Variants in MXI1 observed in about 807,000 individuals in gnomAD.
MXI1 encodes the protein max-interacting protein 1.
In MXI1, 18 loss-of-function variants were observed where a neutral mutation model predicts 36.9. The observed-to-expected ratio is 0.49, with a 90% CI of 0.34 to 0.72. The LOEUF is 0.72. MXI1 is among the 30% of genes least tolerant of loss of function. MXI1 has a pLI of 0.01. For missense variants in MXI1, 304 were observed against 379.1 expected, an observed-to-expected ratio of 0.80 and a Z score of 1.64; for synonymous variants, 160 against 146.7, an observed-to-expected ratio of 1.09 and a Z score of -0.65.
intron 2 of MXI1, 118 bp downstream of exon 2, chr10:110,228,439 T>A (rs1855140579): frequency 7.9e-7 from 1 of 1,261,530 alleles, no homozygotes; most frequent in Non-Finnish European, 1.1e-6. Context: ...CCTGGGGATT[T>A]GGCCCTTTTA....
At chr10:110,255,063 G>A (rs969342757) in intron 3 of MXI1, among the ~76,000 whole-genome samples, 9 of 152,200 alleles carry the variant, frequency 5.9e-5, no homozygotes, top group African/African-American at 1.2e-4. Context: ...AAGGGAAGTC[G>A]ATGCTTGGCT....
chr10:110,235,959 A>T (rs1855452667), intron 2 of MXI1, among the ~76,000 whole-genome samples: 2 of 151,930 alleles, frequency 1.3e-5, no homozygotes, highest in Admixed American at 6.6e-5. Flanking sequence ...GTGAGTTGAG[A>T]TCATGCTACT....
intron 3 of MXI1, among the ~76,000 whole-genome samples, chr10:110,255,179 C>A (rs1050067893): frequency 5.3e-5 from 8 of 152,096 alleles, no homozygotes; most frequent in African/African-American, 1.9e-4. Flanking sequence ...AAATTCTAGG[C>A]CCTTAAGAAT....
chr10:110,283,075 C>T (rs953443946), intron 5 of MXI1, among the ~76,000 whole-genome samples: 1 of 152,080 alleles, frequency 6.6e-6, no homozygotes, highest in Non-Finnish European at 1.5e-5. Context: ...TTCAGTGGTG[C>T]TGGGAAACAA....
chr10:110,207,792 CG>C lies in MXI1; in HGVS notation c.-15del, dbSNP rs1039715507. 1 of 1,127,646 alleles carries C rather than the reference CG, an allele frequency of 8.9e-7. No homozygotes were observed. Among genetic ancestry groups the C allele is most frequent in the African/African-American group, 1.7e-5 (1 of 59,916 alleles). The allele number at this position is 1,127,646 out of a possible 1,614,324, so 69.9% of individuals were successfully genotyped here. The stretch of plus-strand genomic sequence containing the variant: ...CAGCCCCGTTAGAGGACGAGCTCGG[CG>C]GACCCCCGCTCCTCCATGGGCAAAC... On this transcript the variant is annotated 5_prime_UTR_variant, in exon 1 of 6. Coordinates refer to ENST00000332674, the MANE Select transcript of MXI1 (RefSeq NM_130439.3).
intron 2 of MXI1, among the ~76,000 whole-genome samples, chr10:110,243,843 A>C (rs963612788): frequency 2.6e-4 from 40 of 152,108 alleles, no homozygotes; most frequent in African/African-American, 9.7e-4. Context: ...AGAGAAATGA[A>C]GGGACTTTAC....
Position 110,285,026 on chromosome 10 carries a change from C to A in MXI1, c.*39C>A. On this transcript the variant is annotated 3_prime_UTR_variant, in exon 6 of 6. Coordinates refer to ENST00000332674, the MANE Select transcript of MXI1 (RefSeq NM_130439.3). ...ATAACAGTGCAGGGCAAAATATTCACTGGGCCAATTCAATACAAACAATCT... is the reference window on the plus strand; with the variant it reads ...ATAACAGTGCAGGGCAAAATATTCAATGGGCCAATTCAATACAAACAATCT... The A allele has an allele frequency of 6.4e-7, 1 of 1,560,374 alleles. No homozygotes were observed.
chr10:110,272,029 A>G (rs1856871532), intron 3 of MXI1, among the ~76,000 whole-genome samples: 3 of 152,090 alleles, frequency 2.0e-5, no homozygotes, highest in Admixed American at 2.0e-4. Context: ...AATCCCAGCC[A>G]TGAGTCAAAA....
At chr10:110,277,271 TGTTGA>T (rs924186701) in intron 3 of MXI1, among the ~76,000 whole-genome samples, 2 of 152,252 alleles carry the variant, frequency 1.3e-5, no homozygotes, top group African/African-American at 4.8e-5. Flanking sequence ...CTAGTTGCTT[TGTTGA>T]GTTTTTTAGA....
At chr10:110,214,736 C>T (rs1854588524) in intron 1 of MXI1, among the ~76,000 whole-genome samples, 1 of 150,346 alleles carries the variant, frequency 6.7e-6, no homozygotes, top group African/African-American at 2.5e-5. Context: ...GCTTGGTCTT[C>T]ACTTAGATAC....
At chr10:110,209,506 C>T (rs1204812917) in intron 1 of MXI1, among the ~76,000 whole-genome samples, 1 of 152,198 alleles carries the variant, frequency 6.6e-6, no homozygotes, top group Non-Finnish European at 1.5e-5. Context: ...ATTGTGCAGA[C>T]GCTGTAAGGC....
intron 1 of MXI1, among the ~76,000 whole-genome samples, chr10:110,215,043 G>GT (rs200181611): frequency 0.074 from 5,796 of 78,776 alleles, 359 homozygotes; most frequent in South Asian, 0.26. Flanking sequence ...TTTTTTTTTT[G>GT]TTTTTTTTTT....
At chr10:110,213,341 C>T (rs1400930660) in intron 1 of MXI1, among the ~76,000 whole-genome samples, 1 of 152,212 alleles carries the variant, frequency 6.6e-6, no homozygotes, top group Non-Finnish European at 1.5e-5. Flanking sequence ...TTCAAATGTA[C>T]ATTGAATGTC....
chr10:110,219,242 G>C (rs1854734609), intron 1 of MXI1, among the ~76,000 whole-genome samples: 1 of 152,226 alleles, frequency 6.6e-6, no homozygotes, highest in Admixed American at 6.5e-5. Context: ...GGAGCTTGCA[G>C]TGAGCCAAGG....
intron 3 of MXI1, 81 bp from the exon 4 acceptor site, chr10:110,279,099 A>C: frequency 1.8e-6 from 2 of 1,090,734 alleles, no homozygotes; most frequent in Non-Finnish European, 2.8e-6. Context: ...AATGCAAATT[A>C]TTGTTTATCT....
chr10:110,248,608 T>A (rs1353352503), intron 3 of MXI1, among the ~76,000 whole-genome samples: 1 of 152,288 alleles, frequency 6.6e-6, no homozygotes, highest in East Asian at 1.9e-4. Context: ...TTCAGGCTGG[T>A]TTCTTACCCT....
chr10:110,284,803 T>TC (rs3053349), intron 5 of MXI1, 21 bp from the exon 6 acceptor site: 525 of 1,520,096 alleles, frequency 3.5e-4, no homozygotes, highest in Admixed American at 9.5e-4. Flanking sequence ...ATGTTCTTCT[T>TC]TTTTTTTTTT....
chr10:110,254,348 G>A (rs1453068483), intron 3 of MXI1, among the ~76,000 whole-genome samples: 1 of 152,096 alleles, frequency 6.6e-6, no homozygotes, highest in East Asian at 1.9e-4. Context: ...AATAAATGTT[G>A]TGTGTGTTCT....
chr10:110,209,480 G>A (rs1318932862), intron 1 of MXI1, among the ~76,000 whole-genome samples: 1 of 152,200 alleles, frequency 6.6e-6, no homozygotes, highest in Non-Finnish European at 1.5e-5. Context: ...TAAAGGAACC[G>A]TGTGTTGGCA....
Sources: gnomAD v4.1 joint callset for allele counts (sites outside exome capture counted in the v4.1 genomes callset) on GRCh38, gnomAD v4.1.1 for gene constraint, MANE v1.5 for transcripts, NCBI Gene and HGNC (gene_info 2026-07-23, HGNC 2026-07-21) for gene names.